Variants in CDYL2 observed in about 807,000 individuals in gnomAD.
CDYL2 encodes the protein chromodomain Y like 2.
In CDYL2, 23 loss-of-function variants were observed where a neutral mutation model predicts 49.4. The ratio of observed to expected loss-of-function variants is 0.47; its 90% CI spans 0.34 to 0.66. CDYL2 has a LOEUF of 0.66. Ranked by LOEUF, CDYL2 falls within the 30% of genes least tolerant of loss-of-function variation. The probability of loss-of-function intolerance (pLI) is 0.01; values close to 1 mark genes in which losing one functional copy is unlikely to be tolerated. For synonymous variants in CDYL2, 360 were observed against 268.8 expected, an observed-to-expected ratio of 1.34 and a Z score of -3.32; for missense variants, 678 against 656.4, an observed-to-expected ratio of 1.03 and a Z score of -0.36.
intron 1 of CDYL2, among the ~76,000 whole-genome samples, chr16:80,756,647 C>A (rs1035279631): frequency 2.0e-5 from 3 of 152,074 alleles, no homozygotes; most frequent in Non-Finnish European, 2.9e-5. Flanking sequence ...CTTTTCCACT[C>A]ATTTTATAAC....
chr16:80,757,516 G>C (rs916660986), intron 1 of CDYL2, among the ~76,000 whole-genome samples: 1 of 145,566 alleles, frequency 6.9e-6, no homozygotes, highest in South Asian at 2.1e-4. Flanking sequence ...TCCAGCCTGA[G>C]TGACAGAGCA....
At chr16:80,790,792 G>A (rs868138264) in intron 1 of CDYL2, among the ~76,000 whole-genome samples, 1 of 152,182 alleles carries the variant, frequency 6.6e-6, no homozygotes, top group African/African-American at 2.4e-5. Flanking sequence ...CACCAGGAGA[G>A]CTAAACAAGA....
At chr16:80,646,519 G>T (rs372391893) in intron 2 of CDYL2, among the ~76,000 whole-genome samples, 2 of 151,868 alleles carry the variant, frequency 1.3e-5, no homozygotes, top group South Asian at 4.2e-4. Flanking sequence ...GGTCGGGCGT[G>T]GTGGCTCACA....
chr16:80,745,103 C>G (rs1905880212), intron 1 of CDYL2, among the ~76,000 whole-genome samples: 1 of 152,196 alleles, frequency 6.6e-6, no homozygotes, highest in South Asian at 2.1e-4. Flanking sequence ...TGCAAAACCA[C>G]TCCCCCACGC....
Position 80,603,734 on chromosome 16 carries a change from T to C in CDYL2, c.*654A>G, listed in dbSNP as rs1253327094. The C allele has an allele frequency of 1.3e-5, 2 of 152,670 alleles. No individual in the cohort carries two copies. Among genetic ancestry groups the C allele is most frequent in the Non-Finnish European group, 2.9e-5 (2 of 68,044 alleles). The allele number at this position is 152,670 out of a possible 1,614,324, so 9.5% of individuals were successfully genotyped here. On this transcript the variant is annotated 3_prime_UTR_variant, in exon 7 of 7. Transcript: ENST00000570137. ...TAGTTTGTTTTTGCAAAACTAGCTT[T>C]ACATATAATACACATAAATTATCAG...
intron 1 of CDYL2, among the ~76,000 whole-genome samples, chr16:80,786,749 G>C (rs61236741): frequency 0.013 from 1,974 of 152,254 alleles, 35 homozygotes; most frequent in African/African-American, 0.045. Flanking sequence ...CATAAAAAAG[G>C]ATGAGTTCAT....
At chr16:80,799,118 C>G (rs1907851448) in intron 1 of CDYL2, among the ~76,000 whole-genome samples, 1 of 151,824 alleles carries the variant, frequency 6.6e-6, no homozygotes, top group Non-Finnish European at 1.5e-5. Context: ...ATTACATAAA[C>G]ATGTGTAGAA....
chr16:80,758,354 TAAAC>T (rs1906386334), intron 1 of CDYL2, among the ~76,000 whole-genome samples: 1 of 152,170 alleles, frequency 6.6e-6, no homozygotes, highest in African/African-American at 2.4e-5. Context: ...ACTACAATAA[TAAAC>T]AAAAGTATAA....
intron 2 of CDYL2, among the ~76,000 whole-genome samples, chr16:80,673,945 G>A (rs187062224): frequency 5.1e-4 from 78 of 152,278 alleles, no homozygotes; most frequent in Non-Finnish European, 6.3e-4. Flanking sequence ...ACCACGAGCC[G>A]AGGAGAACGT....
At chr16:80,719,731 C>T (rs1000666292) in intron 1 of CDYL2, among the ~76,000 whole-genome samples, 1 of 152,156 alleles carries the variant, frequency 6.6e-6, no homozygotes, top group Non-Finnish European at 1.5e-5. Flanking sequence ...TGGCAGGAAA[C>T]AAGGAGGCTG....
intron 5 of CDYL2, 50 bp from the exon 6 acceptor site, chr16:80,608,285 G>A (rs1264934624): frequency 6.6e-7 from 1 of 1,505,520 alleles, no homozygotes; most frequent in Admixed American, 2.1e-5. Flanking sequence ...GTCCACCCAT[G>A]TCCCTCAGCT....
chr16:80,641,279 C>T (rs1908073847), intron 2 of CDYL2, among the ~76,000 whole-genome samples: 1 of 152,032 alleles, frequency 6.6e-6, no homozygotes. Flanking sequence ...CAGTGGAAAC[C>T]TTACAGGCCA....
chr16:80,677,079 T>G (rs1444941604), intron 2 of CDYL2, among the ~76,000 whole-genome samples: 3 of 143,902 alleles, frequency 2.1e-5, no homozygotes, highest in African/African-American at 5.2e-5. Context: ...CAAGTGATCC[T>G]CCCACCTCAG....
intron 6 of CDYL2, among the ~76,000 whole-genome samples, chr16:80,607,829 G>A (rs570066984): frequency 1.8e-4 from 28 of 152,316 alleles, no homozygotes; most frequent in African/African-American, 6.7e-4. Context: ...TTCTTTGAAA[G>A]CAGTGACGCT....
At chr16:80,673,756 G>A (rs141997402) in intron 2 of CDYL2, among the ~76,000 whole-genome samples, 1 of 152,164 alleles carries the variant, frequency 6.6e-6, no homozygotes, top group Non-Finnish European at 1.5e-5. Flanking sequence ...TGTGGTACCT[G>A]ACATGGCAAA....
chr16:80,789,995 C>A (rs899474549), intron 1 of CDYL2, among the ~76,000 whole-genome samples: 2 of 152,166 alleles, frequency 1.3e-5, no homozygotes, highest in Non-Finnish European at 2.9e-5. Flanking sequence ...GCAGCCCCCA[C>A]CACTATACAT....
At chr16:80,736,289 C>T (rs1905525887) in intron 1 of CDYL2, 1 of 152,256 alleles carries the variant, frequency 6.6e-6, no homozygotes, top group Admixed American at 6.5e-5. Flanking sequence ...CGGCAAAACA[C>T]GATACGTAAC....
In CDYL2 at chr16:80,603,494, A is replaced by AT. The variant is rs1450681115; in HGVS notation, c.*893dup. ...CCGTTTTACACAGAGGTGCAGCGCTATTCCTTTTGTCCACAGAAATCCTTC... is the reference window on the plus strand; with the variant it reads ...CCGTTTTACACAGAGGTGCAGCGCTATTTCCTTTTGTCCACAGAAATCCTTC... On this transcript the variant is annotated 3_prime_UTR_variant, in exon 7 of 7. Coordinates refer to ENST00000570137, the MANE Select transcript of CDYL2 (RefSeq NM_152342.4). 2 of 152,228 alleles carry AT rather than the reference A, an allele frequency of 1.3e-5. No individual in the cohort carries two copies. The highest frequency in any genetic ancestry group is 4.8e-5 in the African/African-American group (2 of 41,448). 9.4% of individuals were successfully genotyped at this position (152,228 alleles called of 1,614,324 possible).
At chr16:80,671,138 C>A (rs955030969) in intron 2 of CDYL2, among the ~76,000 whole-genome samples, 20 of 152,300 alleles carry the variant, frequency 1.3e-4, no homozygotes, top group Admixed American at 1.2e-3. Context: ...ACACCCTGGG[C>A]TCCTTATTAA....
Sources: gnomAD v4.1 joint callset for allele counts (sites outside exome capture counted in the v4.1 genomes callset) on GRCh38, gnomAD v4.1.1 for gene constraint, MANE v1.5 for transcripts, NCBI Gene and HGNC (gene_info 2026-07-23, HGNC 2026-07-21) for gene names.